ROBO2: variants seen among roughly 807,000 people sequenced by gnomAD.
ROBO2 encodes the protein roundabout homolog 2.
In ROBO2, 53 loss-of-function variants were observed where a neutral mutation model predicts 160.8. The observed-to-expected ratio is 0.33, with a 90% CI of 0.26 to 0.41. The LOEUF (loss-of-function observed/expected upper bound fraction) is 0.41. ROBO2 is among the 10% of genes least tolerant of loss of function. The pLI, the probability that ROBO2 is intolerant of heterozygous loss-of-function variation, is 1.00. For synonymous variants in ROBO2, 664 were observed against 611.7 expected, an observed-to-expected ratio of 1.09 and a Z score of -1.26; for missense variants, 1,577 against 1,722.4, an observed-to-expected ratio of 0.92 and a Z score of 1.49.
At chr3:76,244,506 T>C in intron 2 of ROBO2, among the ~76,000 whole-genome samples, 1 of 152,076 alleles carries the variant, frequency 6.6e-6, no homozygotes, top group East Asian at 1.9e-4. Flanking sequence ...CCCCTAATAA[T>C]TGTGGCATTA....
intron 2 of ROBO2, among the ~76,000 whole-genome samples, chr3:75,958,451 C>A (rs1289202685): frequency 6.6e-6 from 1 of 151,684 alleles, no homozygotes; most frequent in East Asian, 1.9e-4. Context: ...AACTATACAA[C>A]TTTAAATTGG....
intron 2 of ROBO2, among the ~76,000 whole-genome samples, chr3:76,539,884 G>T (rs2082722695): frequency 6.6e-6 from 1 of 152,176 alleles, no homozygotes; most frequent in Admixed American, 6.5e-5. Context: ...AGACATTCAT[G>T]CAAATGTCCA....
chr3:75,925,793 T>C (rs1235596097), intron 1 of ROBO2, among the ~76,000 whole-genome samples: 1 of 152,130 alleles, frequency 6.6e-6, no homozygotes, highest in Non-Finnish European at 1.5e-5. Context: ...AGTACTACAA[T>C]AGTCATATAG....
intron 2 of ROBO2, among the ~76,000 whole-genome samples, chr3:76,992,345 A>AG (rs1398634310): frequency 2.0e-4 from 14 of 69,612 alleles, no homozygotes; most frequent in Middle Eastern, 6.5e-3. Flanking sequence ...ATATATATAT[A>AG]TATATATATA....
At chr3:76,764,537 C>T (rs2061474449) in intron 2 of ROBO2, among the ~76,000 whole-genome samples, 1 of 151,722 alleles carries the variant, frequency 6.6e-6, no homozygotes, top group Non-Finnish European at 1.5e-5. Flanking sequence ...ATTAAAACAT[C>T]ATTCAATTGC....
chr3:76,419,696 G>C (rs2075909273), intron 2 of ROBO2, among the ~76,000 whole-genome samples: 1 of 152,074 alleles, frequency 6.6e-6, no homozygotes, highest in Non-Finnish European at 1.5e-5. Context: ...TAGGAAACAT[G>C]ATGTTCTTAA....
intron 2 of ROBO2, among the ~76,000 whole-genome samples, chr3:77,301,119 T>C (rs754657672): frequency 5.9e-5 from 9 of 152,170 alleles, no homozygotes; most frequent in Non-Finnish European, 1.3e-4. Context: ...TCCACCCACC[T>C]TGGTCTCTCG....
chr3:75,988,427 A>G (rs1410664904), intron 2 of ROBO2, among the ~76,000 whole-genome samples: 1 of 151,984 alleles, frequency 6.6e-6, no homozygotes, highest in Non-Finnish European at 1.5e-5. Context: ...TTTTTAAGTC[A>G]ATCTAGCTAA....
intron 2 of ROBO2, among the ~76,000 whole-genome samples, chr3:76,632,847 T>C (rs2109489281): frequency 6.6e-6 from 1 of 152,336 alleles, no homozygotes; most frequent in South Asian, 2.1e-4. Flanking sequence ...TCATATATTA[T>C]GCTAAATTGC....
intron 2 of ROBO2, among the ~76,000 whole-genome samples, chr3:77,147,053 A>C (rs1201871225): frequency 6.6e-6 from 1 of 152,218 alleles, no homozygotes; most frequent in Non-Finnish European, 1.5e-5. Context: ...GATATATGCA[A>C]TATGCACCTG....
chr3:76,786,625 C>T (rs75108811), intron 2 of ROBO2, among the ~76,000 whole-genome samples: 2,239 of 151,372 alleles, frequency 0.015, 55 homozygotes, highest in African/African-American at 0.051. Flanking sequence ...TCCAACATTG[C>T]GGATTACAAT....
chr3:76,006,486 C>CT (rs1362205687), intron 2 of ROBO2, among the ~76,000 whole-genome samples: 2 of 152,142 alleles, frequency 1.3e-5, no homozygotes, highest in African/African-American at 4.8e-5. Context: ...GCTGATATGA[C>CT]TGTTAGTCAA....
chr3:77,228,447 T>A (rs573423161), intron 2 of ROBO2, among the ~76,000 whole-genome samples: 50 of 152,182 alleles, frequency 3.3e-4, no homozygotes, highest in African/African-American at 1.1e-3. Context: ...CCTTTTTTTT[T>A]AATTTCAAAA....
intron 2 of ROBO2, among the ~76,000 whole-genome samples, chr3:75,951,031 G>C (rs1003224298): frequency 5.3e-5 from 8 of 151,966 alleles, no homozygotes; most frequent in Non-Finnish European, 1.2e-4. Flanking sequence ...TTATTTACAA[G>C]TTCGTTGATG....
At chr3:76,534,262 A>G (rs2082377193) in intron 2 of ROBO2, among the ~76,000 whole-genome samples, 1 of 152,154 alleles carries the variant, frequency 6.6e-6, no homozygotes, top group Non-Finnish European at 1.5e-5. Context: ...AAAAAGTGCC[A>G]GGTAGCACAT....
chr3:77,080,546 C>A (rs1283273923), intron 1 of ROBO2, among the ~76,000 whole-genome samples: 1 of 152,114 alleles, frequency 6.6e-6, no homozygotes, highest in Admixed American at 6.5e-5. Context: ...TCGAGTACAT[C>A]CCTAATCTCC....
chr3:77,212,525 G>T (rs141400191), intron 2 of ROBO2, among the ~76,000 whole-genome samples: 23 of 152,156 alleles, frequency 1.5e-4, no homozygotes, highest in African/African-American at 5.5e-4. Flanking sequence ...CTGCAAACAG[G>T]GACAATTTGA....
intron 2 of ROBO2, among the ~76,000 whole-genome samples, chr3:76,309,778 C>T (rs192025275): frequency 1.2e-4 from 18 of 152,222 alleles, no homozygotes; most frequent in Admixed American, 1.0e-3. Context: ...GTTTTGATCA[C>T]GCCAATTCAC....
intron 2 of ROBO2, among the ~76,000 whole-genome samples, chr3:76,441,927 A>G (rs1183214767): frequency 6.6e-6 from 1 of 152,192 alleles, no homozygotes; most frequent in Non-Finnish European, 1.5e-5. Flanking sequence ...TAAATGTGCT[A>G]CATTTAAGGG....
Sources: allele counts gnomAD v4.1 joint callset (sites outside exome capture counted in the v4.1 genomes callset), GRCh38; gene constraint gnomAD v4.1.1; transcripts MANE v1.5; gene names NCBI Gene and HGNC (gene_info 2026-07-23, HGNC 2026-07-21).